CATSPER3: variants seen among roughly 807,000 people sequenced by gnomAD.
The protein encoded by CATSPER3 is cation channel sperm associated 3, also known as cation channel sperm-associated protein 3.
CATSPER3 carries 23 observed loss-of-function variants against 36.6 expected under a neutral mutation model. The observed-to-expected ratio is 0.63, with a 90% CI of 0.45 to 0.89. The LOEUF (loss-of-function observed/expected upper bound fraction) is 0.89, where lower values mean the gene tolerates loss of function less well. CATSPER3 is among the 40% of genes least tolerant of loss of function. The pLI is 0.00. For missense variants in CATSPER3, 474 were observed against 503.9 expected (o/e 0.94, Z 0.57); for synonymous variants, 172 against 184.1 (o/e 0.93, Z 0.53).
At position 135,009,455 on chromosome 5, in the gene CATSPER3, C is replaced by G; in HGVS notation, c.901C>G (p.Gln301Glu). Reference sequence around the variant, plus strand: ...AGAGAAGCAGGTGATTCTGCAGCGGCAGCAGGAGGAGATCAGCAGGCTGAT... The same window carrying G: ...AGAGAAGCAGGTGATTCTGCAGCGGGAGCAGGAGGAGATCAGCAGGCTGAT... ...MGEKQVILQR[Q>E]QEEISRLMHI... The change falls in exon 6 of 8, where the codon CAG becomes GAG. Residue 301 changes from glutamine (Q) to glutamate (E), a missense_variant. Transcript: ENST00000282611. The G allele has an allele frequency of 6.2e-7, 1 of 1,600,730 alleles. No homozygotes were observed. The highest frequency in any genetic ancestry group is 8.5e-7 in the Non-Finnish European group (1 of 1,174,724).
chr5:134,988,952 A>G (rs572763856), intron 2 of CATSPER3, among the ~76,000 whole-genome samples: 1 of 152,240 alleles, frequency 6.6e-6, no homozygotes, highest in South Asian at 2.1e-4. Flanking sequence ...TAAGAGTTAA[A>G]AGTTGAAATG....
Position 134,970,568 on chromosome 5 carries a change from A to ATTT in CATSPER3, c.252+495_252+497dup, listed in dbSNP as rs35264342. Among the ~76,000 whole-genome samples, 27 of 124,218 alleles carry ATTT rather than the reference A, an allele frequency of 2.2e-4. 1 individual carries two copies. Among genetic ancestry groups the ATTT allele is most frequent in the Non-Finnish European group, 2.7e-4 (16 of 60,366 alleles). The allele number at this position is 124,218 out of a possible 152,430, so 81.5% of individuals were successfully genotyped here. ...AAGAGCAGCAGTGGTGACATGGTGG[A>ATTT]TTTTTTTTTTTTTTTTTTTTTGAGA... On this transcript the variant is annotated intron_variant, in intron 2 of 7. Coordinates refer to ENST00000282611, the MANE Select transcript of CATSPER3 (RefSeq NM_178019.3).
In CATSPER3 at chr5:135,010,388, A is replaced by G. The variant is rs747052955; in HGVS notation, c.952A>G (p.Thr318Ala). The change falls in exon 7 of 8, where the codon ACA becomes GCA. Residue 318 changes from threonine (T) to alanine (A), a missense_variant. Coordinates refer to ENST00000282611, the MANE Select transcript of CATSPER3 (RefSeq NM_178019.3). ...TCCTCTCTAGAAAAATGCTGACTGC[A>G]CAAGTTTCAGTGAGCTGGTGGAGAA... ...LMHIQKNADC[T>A]SFSELVENFK... 6 of 1,614,142 alleles carry G rather than the reference A, an allele frequency of 3.7e-6. No individual in the cohort carries two copies. In the Admixed American group the frequency reaches 6.7e-5, roughly 18 times the overall value.
intron 2 of CATSPER3, among the ~76,000 whole-genome samples, chr5:134,983,764 C>T (rs1751776241): frequency 6.6e-6 from 1 of 152,176 alleles, no homozygotes; most frequent in African/African-American, 2.4e-5. Flanking sequence ...ACAAGGATCA[C>T]TCTCCAGGAT....
intron 3 of CATSPER3, among the ~76,000 whole-genome samples, chr5:135,004,586 T>G (rs1752061689): frequency 6.6e-6 from 1 of 152,132 alleles, no homozygotes; most frequent in African/African-American, 2.4e-5. Flanking sequence ...AATCTGGTTT[T>G]TCCAGGTGTT....
chr5:134,996,460 G>A lies in CATSPER3; in HGVS notation c.440G>A (p.Gly147Asp). ...TTCACTTACCTGTATATCGCTGATGGCATGCAGTCCCTGCGCATCCTCAAG... is the reference window on the plus strand; with the variant it reads ...TTCACTTACCTGTATATCGCTGATGACATGCAGTCCCTGCGCATCCTCAAG... Reference protein sequence around the residue: ...KQFTYLYIADGMQSLRILKLI... With the variant: ...KQFTYLYIADDMQSLRILKLI... Residue 147 changes from glycine to aspartate, a missense_variant, in exon 3 of 8, where the codon GGC becomes GAC. By Grantham distance (94) the Gly-to-Asp change is moderately conservative (BLOSUM62 -1). Coordinates refer to ENST00000282611, the MANE Select transcript of CATSPER3 (RefSeq NM_178019.3). The A allele has an allele frequency of 1.9e-6, 3 of 1,614,122 alleles. No individual in the cohort carries two copies. The highest frequency in any genetic ancestry group is 2.5e-6 in the Non-Finnish European group (3 of 1,179,960).
In CATSPER3 at chr5:134,969,949, G is replaced by A; in HGVS notation, c.109G>A (p.Asp37Asn). The A allele has an allele frequency of 6.2e-7, 1 of 1,614,120 alleles. No homozygotes were observed. Among genetic ancestry groups the A allele is most frequent in the Non-Finnish European group, 8.5e-7 (1 of 1,180,008 alleles). The part of the protein sequence containing the change: ...PTFKKFKRND[D>N]ECRAFVKRVI... ...TCAACTTTTTGACAGGAGGAACGAT[G>A]ATGAATGTCGGGCATTTGTGAAGAG... The change falls in exon 2 of 8, where the codon GAT becomes AAT. Residue 37 changes from aspartate (D) to asparagine (N), a missense_variant. Physicochemically the swap from Asp to Asn is conservative, Grantham distance 23 (BLOSUM62 1). Transcript: ENST00000282611.
intron 2 of CATSPER3, among the ~76,000 whole-genome samples, chr5:134,983,531 C>G (rs1320969766): frequency 6.6e-6 from 1 of 151,972 alleles, no homozygotes; most frequent in Non-Finnish European, 1.5e-5. Context: ...GAGACTCTGT[C>G]TCAAACAAAT....
At chr5:135,005,124 G>C (rs1752068993) in intron 3 of CATSPER3, among the ~76,000 whole-genome samples, 2 of 152,270 alleles carry the variant, frequency 1.3e-5, no homozygotes, top group Non-Finnish European at 2.9e-5. Context: ...AAGGGGCATT[G>C]ACCCAGACTG....
intron 2 of CATSPER3, among the ~76,000 whole-genome samples, chr5:134,971,431 C>T (rs1043926030): frequency 7.2e-5 from 11 of 151,952 alleles, no homozygotes; most frequent in African/African-American, 2.2e-4. Context: ...AAACAACCAA[C>T]CAAAAAAACC....
intron 2 of CATSPER3, among the ~76,000 whole-genome samples, chr5:134,981,822 A>G (rs1337013986): frequency 1.3e-5 from 2 of 152,212 alleles, no homozygotes; most frequent in Non-Finnish European, 2.9e-5. Flanking sequence ...TACTAGACAA[A>G]GGCTTTAAAA....
chr5:134,997,470 C>G (rs1259512088), intron 3 of CATSPER3, among the ~76,000 whole-genome samples: 1 of 152,126 alleles, frequency 6.6e-6, no homozygotes, highest in African/African-American at 2.4e-5. Flanking sequence ...TCTGTACTTC[C>G]AGTCCCACTT....
chr5:134,970,602 C>A (rs969611588), intron 2 of CATSPER3, among the ~76,000 whole-genome samples: 29 of 136,936 alleles, frequency 2.1e-4, no homozygotes, highest in African/African-American at 7.7e-4. Flanking sequence ...GACAGAGTCT[C>A]GCCCTGTTGC....
chr5:134,996,954 C>A (rs555653004), intron 3 of CATSPER3, among the ~76,000 whole-genome samples: 1 of 152,248 alleles, frequency 6.6e-6, no homozygotes, highest in Admixed American at 6.5e-5. Flanking sequence ...GAAATAGTCT[C>A]TGTGCTTCGT....
intron 2 of CATSPER3, among the ~76,000 whole-genome samples, chr5:134,988,649 A>G (rs971227314): frequency 2.0e-5 from 3 of 152,186 alleles, no homozygotes; most frequent in Admixed American, 6.5e-5. Context: ...CAGTTTAGTC[A>G]CATCTTCAAG....
intron 3 of CATSPER3, among the ~76,000 whole-genome samples, chr5:135,005,902 C>G (rs552583465): frequency 2.0e-5 from 3 of 152,332 alleles, no homozygotes; most frequent in Non-Finnish European, 2.9e-5. Context: ...TAGGAGGGGT[C>G]CCTCCAAGCA....
chr5:134,977,286 A>G (rs1387142968), intron 2 of CATSPER3, among the ~76,000 whole-genome samples: 1 of 152,060 alleles, frequency 6.6e-6, no homozygotes, highest in Non-Finnish European at 1.5e-5. Flanking sequence ...CTTTCCTCCC[A>G]TATCTGATCA....
At chr5:134,994,691 C>T (rs1441706906) in intron 2 of CATSPER3, among the ~76,000 whole-genome samples, 1 of 152,206 alleles carries the variant, frequency 6.6e-6, no homozygotes, top group Non-Finnish European at 1.5e-5. Context: ...TCAAAGTCCT[C>T]ACCAGGCCTA....
At chr5:134,996,167 G>T in intron 2 of CATSPER3, 106 bp from the exon 3 acceptor site, 3 of 1,402,864 alleles carry the variant, frequency 2.1e-6, no homozygotes, top group Non-Finnish European at 2.0e-6. Context: ...TCTCTCTCAT[G>T]TGGGTGACTT....
Sources: allele counts gnomAD v4.1 joint callset (sites outside exome capture counted in the v4.1 genomes callset), GRCh38; gene constraint gnomAD v4.1.1; transcripts MANE v1.5; gene names NCBI Gene and HGNC (gene_info 2026-07-23, HGNC 2026-07-21).